Variants in PTPRQ observed in about 807,000 individuals in gnomAD.
PTPRQ encodes the protein protein tyrosine phosphatase receptor type Q.
A neutral mutation model predicts 246.0 loss-of-function variants in PTPRQ; 199 were observed. The ratio of observed to expected loss-of-function variants is 0.81; its 90% confidence interval spans 0.72 to 0.91. The LOEUF (loss-of-function observed/expected upper bound fraction) is 0.91. PTPRQ is among the 40% of genes least tolerant of loss of function. PTPRQ has a pLI of 0.00. For missense variants in PTPRQ, 2,624 were observed against 2,528.4 expected, an observed-to-expected ratio of 1.04 and a Z score of -0.81; for synonymous variants, 869 against 853.2, an observed-to-expected ratio of 1.02 and a Z score of -0.32.
At chr12:80,483,748 C>T (rs910542291) in intron 8 of PTPRQ, among the ~76,000 whole-genome samples, 86 of 151,780 alleles carry the variant, frequency 5.7e-4, no homozygotes, top group Non-Finnish European at 1.1e-3. Flanking sequence ...CCCCACCCAC[C>T]GACAGGCCCC....
At position 80,534,914 on chromosome 12, in the gene PTPRQ, T is replaced by C. The variant is rs1306372923; in HGVS notation, c.2862T>C (p.Asp954=). Residue 954 remains aspartate (D), a synonymous_variant, in exon 19 of 45, where the codon GAT becomes GAC. Coordinates refer to ENST00000644991, the MANE Select transcript of PTPRQ (RefSeq NM_001145026.2). ...PEGAPSDPPK[D]VYYANLSSSS... ...TAGCACCAAGCGATCCTCCCAAAGA[T>C]GTTTATTATGCAAACCTCAGTTCTT... is the stretch of plus-strand genomic sequence containing the variant. 3 of 1,549,762 alleles carry C rather than the reference T, an allele frequency of 1.9e-6. No individual in the cohort carries two copies. The highest frequency in any genetic ancestry group is 1.4e-5 in the African/African-American group (1 of 72,998).
chr12:80,666,090 A>G (rs1240693185), intron 39 of PTPRQ, among the ~76,000 whole-genome samples: 45 of 152,090 alleles, frequency 3.0e-4, no homozygotes, highest in Admixed American at 3.0e-3. Context: ...GAAAATCAGT[A>G]TGTCAAAGGC....
At chr12:80,670,754 A>G (rs1472456689) in intron 42 of PTPRQ, among the ~76,000 whole-genome samples, 3 of 152,078 alleles carry the variant, frequency 2.0e-5, no homozygotes, top group Non-Finnish European at 4.4e-5. Context: ...CTTAAATGAG[A>G]TACTCAGAAT....
chr12:80,592,935 C>T (rs897714194), intron 26 of PTPRQ, among the ~76,000 whole-genome samples: 2 of 152,018 alleles, frequency 1.3e-5, no homozygotes, highest in Non-Finnish European at 2.9e-5. Context: ...TGCTTGGACC[C>T]GGGAGGTGGA....
chr12:80,584,432 T>C (rs966188447), intron 25 of PTPRQ, among the ~76,000 whole-genome samples: 4 of 152,212 alleles, frequency 2.6e-5, no homozygotes, highest in African/African-American at 7.2e-5. Context: ...ACAAATCAAG[T>C]AGTCTCTGAA....
chr12:80,473,020 T>G lies in PTPRQ; in HGVS notation c.1186+769T>G, dbSNP rs565240754. 6.2e-5 allele frequency among the ~76,000 whole-genome samples: 8 copies of G among 129,702 alleles called. No individual in the cohort carries two copies. In the South Asian group the frequency reaches 2.1e-3, roughly 34 times the overall value. 85.1% of individuals were successfully genotyped at this position (129,702 alleles called of 152,430 possible). The stretch of plus-strand genomic sequence containing the variant: ...AACTTATAAATGAAATGTAGACATG[T>G]ATACACACACACACACTCACACACA... On this transcript the variant is annotated intron_variant, in intron 8 of 44. Coordinates refer to ENST00000644991, the MANE Select transcript of PTPRQ (RefSeq NM_001145026.2).
In PTPRQ at chr12:80,678,653, G is replaced by A; in HGVS notation, c.6790G>A (p.Gly2264Arg). 1 of 1,550,342 alleles carries A rather than the reference G, an allele frequency of 6.5e-7. No homozygotes were observed. The highest frequency in any genetic ancestry group is 1.4e-5 in the African/African-American group (1 of 73,076). Residue 2264 changes from glycine to arginine, a missense_variant, in exon 44 of 45, where the codon GGA becomes AGA. Coordinates refer to ENST00000644991, the MANE Select transcript of PTPRQ (RefSeq NM_001145026.2). ...QCILDLLSNK[G>R]SNQPICFVNY... Reference sequence around the variant, plus strand: ...CATTCTGGATCTCTTATCAAATAAGGGAAGTAATCAGCCCATCTGTTTTGT... The same window carrying A: ...CATTCTGGATCTCTTATCAAATAAGAGAAGTAATCAGCCCATCTGTTTTGT...
chr12:80,547,464 T>C (rs1896340845), intron 24 of PTPRQ, among the ~76,000 whole-genome samples: 1 of 152,150 alleles, frequency 6.6e-6, no homozygotes, highest in African/African-American at 2.4e-5. Flanking sequence ...TCCTGGTATG[T>C]TAGTGAATCT....
At chr12:80,541,362 A>T (rs1178715413) in intron 20 of PTPRQ, among the ~76,000 whole-genome samples, 193 bp from the exon 21 acceptor site, 5 of 152,100 alleles carry the variant, frequency 3.3e-5, no homozygotes, top group African/African-American at 9.7e-5. Flanking sequence ...GACAGAGTTT[A>T]TTTTGAATGA....
chr12:80,448,029 T>C (rs1057263154), intron 3 of PTPRQ, among the ~76,000 whole-genome samples: 3 of 152,146 alleles, frequency 2.0e-5, no homozygotes, highest in Non-Finnish European at 4.4e-5. Flanking sequence ...GAGCATGGAA[T>C]GTTTTTCCAT....
intron 25 of PTPRQ, among the ~76,000 whole-genome samples, chr12:80,572,237 A>G (rs1055110883): frequency 9.9e-5 from 15 of 151,998 alleles, no homozygotes; most frequent in Admixed American, 7.9e-4. Flanking sequence ...TGGATTTTGC[A>G]TATCTTTTGT....
chr12:80,468,654 G>T, intron 6 of PTPRQ, 56 bp from the exon 7 acceptor site: 2 of 1,427,458 alleles, frequency 1.4e-6, no homozygotes, highest in East Asian at 2.7e-5. Context: ...GTATTTAATA[G>T]GGTGCGCTTT....
intron 32 of PTPRQ, among the ~76,000 whole-genome samples, chr12:80,621,589 G>C (rs561625586): frequency 4.0e-4 from 61 of 151,950 alleles, no homozygotes; most frequent in Non-Finnish European, 5.1e-4. Flanking sequence ...TGCACACACA[G>C]AAATAACAAA....
chr12:80,503,259 G>C (rs571703129), intron 14 of PTPRQ, among the ~76,000 whole-genome samples: 19 of 151,944 alleles, frequency 1.3e-4, no homozygotes, highest in Middle Eastern at 3.4e-3. Context: ...AGTTGTTGAG[G>C]ATTTTCCTCA....
At chr12:80,579,866 G>A (rs984473329) in intron 25 of PTPRQ, among the ~76,000 whole-genome samples, 2 of 152,056 alleles carry the variant, frequency 1.3e-5, no homozygotes, top group African/African-American at 4.8e-5. Flanking sequence ...GGAAGATTGG[G>A]TTGATAATTT....
intron 19 of PTPRQ, among the ~76,000 whole-genome samples, 167 bp from the exon 20 acceptor site, chr12:80,539,609 T>C (rs1896089173): frequency 6.6e-6 from 1 of 152,090 alleles, no homozygotes; most frequent in Admixed American, 6.5e-5. Flanking sequence ...TACAAACATA[T>C]TTCCAGTTTA....
chr12:80,551,887 T>C (rs759258244), intron 25 of PTPRQ, among the ~76,000 whole-genome samples: 2 of 152,024 alleles, frequency 1.3e-5, no homozygotes, highest in South Asian at 4.1e-4. Flanking sequence ...ATTCTCTTCT[T>C]TAAACATATC....
In PTPRQ at chr12:80,649,682, C is replaced by A; in HGVS notation, c.6024+13C>A. On this transcript the variant is annotated intron_variant, in intron 37 of 44. Transcript: ENST00000644991. ...AGAAGAATTTTCGGTATGTTACTAG[C>A]AGTTGTCACAACATTGCAAGACCTC... The A allele has an allele frequency of 6.5e-7, 1 of 1,543,562 alleles. No individual in the cohort carries two copies. Among genetic ancestry groups the A allele is most frequent in the African/African-American group, 1.4e-5 (1 of 72,774 alleles).
chr12:80,502,928 T>G (rs1894846836), intron 14 of PTPRQ, among the ~76,000 whole-genome samples: 1 of 151,764 alleles, frequency 6.6e-6, no homozygotes, highest in Admixed American at 6.6e-5. Context: ...TTGGCCTCTC[T>G]GAGTAGTAGG....
Sources: allele counts gnomAD v4.1 joint callset (sites outside exome capture counted in the v4.1 genomes callset), GRCh38; gene constraint gnomAD v4.1.1; transcripts MANE v1.5; gene names NCBI Gene and HGNC (gene_info 2026-07-23, HGNC 2026-07-21).